The following REV3L variants were observed in gnomAD, a reference collection of about 807,000 sequenced individuals.
REV3L encodes DNA polymerase zeta catalytic subunit.
A neutral mutation model predicts 299.4 loss-of-function variants in REV3L; 69 were observed. The ratio of observed to expected loss-of-function variants is 0.23; its 90% confidence interval spans 0.19 to 0.28. The LOEUF (loss-of-function observed/expected upper bound fraction) is 0.28, where lower values mean the gene tolerates loss of function less well. Among genes scored for constraint, REV3L ranks in the 10% least tolerant of loss-of-function variants. The probability of loss-of-function intolerance (pLI) is 1.00; values close to 1 mark genes in which losing one functional copy is unlikely to be tolerated. For missense variants in REV3L, 3,128 were observed against 3,693.8 expected (o/e 0.85, Z 3.97); for synonymous variants, 1,238 against 1,271.4 (o/e 0.97, Z 0.56).
At chr6:111,357,928 A>C (rs1305601698) in intron 17 of REV3L, among the ~76,000 whole-genome samples, 1 of 152,112 alleles carries the variant, frequency 6.6e-6, no homozygotes, top group Non-Finnish European at 1.5e-5. Context: ...CCAACTGCCA[A>C]AGTGACAGCA....
At chr6:111,459,773 C>A (rs1477354367) in intron 1 of REV3L, among the ~76,000 whole-genome samples, 1 of 151,932 alleles carries the variant, frequency 6.6e-6, no homozygotes, top group Non-Finnish European at 1.5e-5. Flanking sequence ...AATAACAGAT[C>A]TCAGTGGGGC....
chr6:111,480,421 A>T (rs1793475498), intron 1 of REV3L, among the ~76,000 whole-genome samples: 1 of 152,282 alleles, frequency 6.6e-6, no homozygotes, highest in African/African-American at 2.4e-5. Flanking sequence ...CTTTTATATT[A>T]ATAATTTTCA....
In REV3L at chr6:111,482,848, G is replaced by A. The variant is rs777709698; in HGVS notation, c.41C>T (p.Ala14Val). 2 of 1,517,192 alleles carry A rather than the reference G, an allele frequency of 1.3e-6. No individual in the cohort carries two copies. Among genetic ancestry groups the A allele is most frequent in the South Asian group, 1.3e-5 (1 of 77,482 alleles). 94.0% of individuals were successfully genotyped at this position (1,517,192 alleles called of 1,614,324 possible). A position where few individuals can be genotyped will look rare whatever the true frequency, so the allele number is the denominator to read the frequency against. ...GGTATCCAGCCCCTGCAGCGGGCTG[G>A]CCATGTAGTAGTCTGCAGTCACTAT... ...VRIVTADYYM[A>V]SPLQGLDTCQ... The change falls in exon 1 of 32, where the codon GCC (alanine) becomes GTC (valine). Residue 14 changes from alanine (A) to valine (V), a missense_variant. Physicochemically the swap from Ala to Val is moderately conservative, Grantham distance 64 (BLOSUM62 0). Transcript: ENST00000368802.
chr6:111,354,328 G>A (rs1315614546), intron 18 of REV3L: 4 of 151,846 alleles, frequency 2.6e-5, no homozygotes, highest in Non-Finnish European at 5.9e-5. Flanking sequence ...AGTTGGCTAC[G>A]TACACTTTTT....
At chr6:111,458,043 C>T (rs1790347003) in intron 1 of REV3L, among the ~76,000 whole-genome samples, 1 of 151,882 alleles carries the variant, frequency 6.6e-6, no homozygotes, top group Non-Finnish European at 1.5e-5. Flanking sequence ...AAAATCTCAA[C>T]AAAATACCAG....
intron 1 of REV3L, among the ~76,000 whole-genome samples, chr6:111,441,185 T>C (rs1788222812): frequency 6.6e-6 from 1 of 152,208 alleles, no homozygotes; most frequent in African/African-American, 2.4e-5. Context: ...TTCTAGCATT[T>C]CCTTTTCTTA....
At chr6:111,392,152 C>T (rs1270367384) in intron 5 of REV3L, among the ~76,000 whole-genome samples, 1 of 152,162 alleles carries the variant, frequency 6.6e-6, no homozygotes, top group Non-Finnish European at 1.5e-5. Context: ...CCCGAAGTAG[C>T]ACATTTGAGA....
intron 24 of REV3L, chr6:111,330,960 C>G: frequency 1.0e-6 from 1 of 984,348 alleles, no homozygotes; most frequent in Middle Eastern, 5.2e-4. Context: ...AATGATGCCA[C>G]TTTTGATATA....
intron 1 of REV3L, among the ~76,000 whole-genome samples, chr6:111,456,355 C>A (rs926398241): frequency 1.3e-5 from 2 of 152,152 alleles, no homozygotes; most frequent in Non-Finnish European, 2.9e-5. Context: ...GAATTTAACA[C>A]ACTAAACAAG....
chr6:111,311,491 G>A, intron 28 of REV3L: 2 of 331,892 alleles, frequency 6.0e-6, no homozygotes, highest in South Asian at 1.1e-4. Flanking sequence ...AAAACCATGT[G>A]GAATGACATG....
chr6:111,455,004 ACT>A (rs1214784293), intron 1 of REV3L, among the ~76,000 whole-genome samples: 2 of 152,184 alleles, frequency 1.3e-5, no homozygotes, highest in Admixed American at 6.5e-5. Context: ...GGCAATAAGC[ACT>A]AAGGACACAA....
intron 1 of REV3L, among the ~76,000 whole-genome samples, chr6:111,445,297 CG>C (rs1454506559): frequency 6.6e-4 from 100 of 152,064 alleles, no homozygotes; most frequent in Non-Finnish European, 6.0e-4. Flanking sequence ...ACCTGGGTAA[CG>C]GGGGTAAATC....
intron 20 of REV3L, among the ~76,000 whole-genome samples, chr6:111,345,621 C>T (rs1776945657): frequency 1.3e-5 from 2 of 152,070 alleles, no homozygotes; most frequent in African/African-American, 4.8e-5. Flanking sequence ...CTCATGCATC[C>T]CATTCTCTGA....
At chr6:111,447,768 C>G (rs71562292) in intron 1 of REV3L, among the ~76,000 whole-genome samples, 3 of 152,158 alleles carry the variant, frequency 2.0e-5, no homozygotes, top group African/African-American at 7.2e-5. Flanking sequence ...TGGTCAACCC[C>G]TCTTTCAGAA....
chr6:111,317,943 C>A (rs1323270952), intron 26 of REV3L, among the ~76,000 whole-genome samples: 1 of 152,180 alleles, frequency 6.6e-6, no homozygotes, highest in Non-Finnish European at 1.5e-5. Flanking sequence ...GAGCAGTATT[C>A]CACTGTATGG....
chr6:111,383,955 G>A (rs2343614), intron 9 of REV3L, among the ~76,000 whole-genome samples: 63,469 of 151,910 alleles, frequency 0.42, 15,652 homozygotes, highest in South Asian at 0.59. Context: ...ATTCATGACT[G>A]CAGTGAACTC....
In REV3L at chr6:111,304,184, A is replaced by G. The variant is rs550793789; in HGVS notation, c.9252+3177T>C. On this transcript the variant is annotated intron_variant, in intron 31 of 31. Coordinates refer to ENST00000368802, the MANE Select transcript of REV3L (RefSeq NM_001372078.1). ...GGTCTTGGATTGAGAATGATGTAAAATCTCCTGTTTGGATGTGTTTCTAAT... is the reference window on the plus strand; with the variant it reads ...GGTCTTGGATTGAGAATGATGTAAAGTCTCCTGTTTGGATGTGTTTCTAAT... 2.2e-3 allele frequency among the ~76,000 whole-genome samples: 316 copies of G among 145,174 alleles called. 2 individuals are homozygous for G. The highest frequency in any genetic ancestry group is 7.8e-3 in the African/African-American group (301 of 38,424).
intron 14 of REV3L, 48 bp downstream of exon 14, chr6:111,367,066 CT>C (rs747444000): frequency 1.4e-6 from 2 of 1,388,078 alleles, no homozygotes; most frequent in Non-Finnish European, 2.0e-6. Context: ...ATCTTCATTT[CT>C]ATTTCTGAAG....
chr6:111,371,716 AC>A (rs1779814308), intron 13 of REV3L, among the ~76,000 whole-genome samples: 1 of 152,156 alleles, frequency 6.6e-6, no homozygotes, highest in South Asian at 2.1e-4. Context: ...GGCACCTGCC[AC>A]CATGTCCAGC....
Sources: gnomAD v4.1 joint callset for allele counts (sites outside exome capture counted in the v4.1 genomes callset) on GRCh38, gnomAD v4.1.1 for gene constraint, MANE v1.5 for transcripts, NCBI Gene and HGNC (gene_info 2026-07-23, HGNC 2026-07-21) for gene names.